Variants in AKT3 observed in about 807,000 individuals in gnomAD.
AKT3 encodes AKT serine/threonine kinase 3, also known as RAC-gamma serine/threonine-protein kinase.
In AKT3, 15 loss-of-function variants were observed where a neutral mutation model predicts 65.3. The observed-to-expected ratio is 0.23, with a 90% confidence interval of 0.15 to 0.35. The LOEUF (loss-of-function observed/expected upper bound fraction) is 0.35. AKT3 is among the 10% of genes least tolerant of loss of function. The probability of loss-of-function intolerance (pLI) is 1.00; values close to 1 mark genes in which losing one functional copy is unlikely to be tolerated. For missense variants in AKT3, 243 were observed against 576.5 expected (o/e 0.42, Z 5.92); for synonymous variants, 206 against 183.8 (o/e 1.12, Z -0.98).
intron 8 of AKT3, among the ~76,000 whole-genome samples, chr1:243,575,687 T>C (rs1463852529): frequency 1.3e-5 from 2 of 152,150 alleles, no homozygotes; most frequent in Admixed American, 6.5e-5. Context: ...GGAGACTTGA[T>C]AGATAAGAAA....
intron 6 of AKT3, among the ~76,000 whole-genome samples, chr1:243,633,588 C>T (rs1679762613): frequency 6.6e-6 from 1 of 151,954 alleles, no homozygotes; most frequent in Admixed American, 6.6e-5. Context: ...AGTACTATAA[C>T]TTCAGGATAT....
intron 2 of AKT3, among the ~76,000 whole-genome samples, chr1:243,730,200 GCA>G (rs1687461683): frequency 6.6e-6 from 1 of 152,162 alleles, no homozygotes. Context: ...GGACCAATCA[GCA>G]CACACTTCCT....
At position 243,747,981 on chromosome 1, in the gene AKT3, G is replaced by A. The variant is rs187340821; in HGVS notation, c.47-52265C>T. Reference sequence around the variant, plus strand: ...TATGCTTTTTCAACCATAATGACCTGTAAATTGTTTTATACTAAGGCCCAA... The same window carrying A: ...TATGCTTTTTCAACCATAATGACCTATAAATTGTTTTATACTAAGGCCCAA... On this transcript the variant is annotated intron_variant, in intron 2 of 13. Coordinates refer to ENST00000673466, the MANE Select transcript of AKT3 (RefSeq NM_005465.7). Among the ~76,000 whole-genome samples, 185 of 152,270 alleles carry A rather than the reference G, an allele frequency of 1.2e-3. 3 individuals carry two copies. Among genetic ancestry groups the A allele is most frequent in the East Asian group, 7.7e-4 (4 of 5,182 alleles).
intron 8 of AKT3, among the ~76,000 whole-genome samples, chr1:243,581,456 AG>A (rs1225886543): frequency 6.6e-6 from 1 of 152,224 alleles, no homozygotes; most frequent in East Asian, 1.9e-4. Context: ...GGCCAAAAGC[AG>A]CACAGAGGAC....
chr1:243,701,957 A>G (rs368439045), intron 2 of AKT3, among the ~76,000 whole-genome samples: 2 of 152,138 alleles, frequency 1.3e-5, no homozygotes, highest in South Asian at 2.1e-4. Flanking sequence ...GCAAAGTCAC[A>G]AAGTTTTTAC....
chr1:243,534,808 C>T (rs1671782832), intron 12 of AKT3, among the ~76,000 whole-genome samples: 1 of 151,992 alleles, frequency 6.6e-6, no homozygotes, highest in Non-Finnish European at 1.5e-5. Flanking sequence ...GAAAATAAAA[C>T]ATCAAAATTT....
intron 6 of AKT3, among the ~76,000 whole-genome samples, chr1:243,631,124 T>G (rs1222999978): frequency 6.6e-6 from 1 of 152,202 alleles, no homozygotes; most frequent in African/African-American, 2.4e-5. Flanking sequence ...CTATTAAGTG[T>G]GTAACAGCAC....
At position 243,757,723 on chromosome 1, in the gene AKT3, G is replaced by A. The variant is rs768736290; in HGVS notation, c.47-62007C>T. Among the ~76,000 whole-genome samples the A allele has an allele frequency of 7.8e-4, 118 of 151,718 alleles. 1 individual carries two copies. Among genetic ancestry groups the A allele is most frequent in the Admixed American group, 1.8e-3 (28 of 15,214 alleles). On this transcript the variant is annotated intron_variant, in intron 2 of 13. Transcript: ENST00000673466. ...ATGCAATGTCAAAGTTCTTACACTT[G>A]CAGTCTCTACTTACTTTTTGATACA...
In AKT3 at chr1:243,694,528, C is replaced by CT. The variant is rs199852052; in HGVS notation, c.172+1062dup. Reference sequence around the variant, plus strand: ...AATCCACTAATATAAACAGAGAAAGCTTTTTTTTTTAAGTTAGTATCCATA... The same window carrying CT: ...AATCCACTAATATAAACAGAGAAAGCTTTTTTTTTTTAAGTTAGTATCCATA... On this transcript the variant is annotated intron_variant, in intron 3 of 13. Transcript: ENST00000673466. Among the ~76,000 whole-genome samples the CT allele has an allele frequency of 1.3e-4, 19 of 147,454 alleles. 1 individual carries two copies. Among genetic ancestry groups the CT allele is most frequent in the South Asian group, 2.2e-4 (1 of 4,624 alleles).
At chr1:243,705,144 G>T (rs1196038897) in intron 2 of AKT3, among the ~76,000 whole-genome samples, 1 of 152,186 alleles carries the variant, frequency 6.6e-6, no homozygotes, top group Non-Finnish European at 1.5e-5. Flanking sequence ...GCATGAACTT[G>T]TCATTTTTAC....
intron 2 of AKT3, among the ~76,000 whole-genome samples, chr1:243,754,777 T>A (rs1460528760): frequency 6.6e-6 from 1 of 152,124 alleles, no homozygotes; most frequent in Non-Finnish European, 1.5e-5. Context: ...ACCACCCAGG[T>A]TCACAGAAAA....
At chr1:243,505,887 A>C (rs1669636245) in intron 13 of AKT3, among the ~76,000 whole-genome samples, 1 of 152,268 alleles carries the variant, frequency 6.6e-6, no homozygotes, top group Non-Finnish European at 1.5e-5. Flanking sequence ...GACTAAGTGA[A>C]AGAAAAAGAG....
At chr1:243,557,247 A>C (rs995419547) in intron 10 of AKT3, among the ~76,000 whole-genome samples, 2 of 152,110 alleles carry the variant, frequency 1.3e-5, no homozygotes, top group African/African-American at 4.8e-5. Flanking sequence ...CTGAGCCTTC[A>C]TAACCCAAGT....
intron 2 of AKT3, among the ~76,000 whole-genome samples, chr1:243,765,861 A>G (rs1258721145): frequency 6.6e-6 from 1 of 152,188 alleles, no homozygotes; most frequent in East Asian, 1.9e-4. Flanking sequence ...CCCTGCTGGC[A>G]GCTGTCTTCT....
chr1:243,603,578 C>T lies in AKT3; in HGVS notation c.696+10093G>A, dbSNP rs893632961. ...GCCACTGATGTTCTAACTGTACATA[C>T]TTTCCTCACATTGGATATTTCCTCA... On this transcript the variant is annotated intron_variant, in intron 8 of 13. Transcript: ENST00000673466. 3.3e-5 allele frequency among the ~76,000 whole-genome samples: 5 copies of T among 152,168 alleles called. No individual in the cohort carries two copies. The South Asian group carries it at 8.3e-4, about 25-fold the overall frequency.
At chr1:243,492,295 C>CAT (rs1666652943) in intron 13 of AKT3, among the ~76,000 whole-genome samples, 1 of 63,124 alleles carries the variant, frequency 1.6e-5, no homozygotes, top group African/African-American at 6.7e-5. Flanking sequence ...CGTTTCTTGG[C>CAT]TTTTTTTTTT....
intron 2 of AKT3, among the ~76,000 whole-genome samples, chr1:243,778,382 C>G (rs1479415658): frequency 6.6e-6 from 1 of 152,110 alleles, no homozygotes; most frequent in African/African-American, 2.4e-5. Flanking sequence ...AGGCCAGCTT[C>G]CCAGAGAAGA....
At chr1:243,583,075 A>G (rs1318938221) in intron 8 of AKT3, among the ~76,000 whole-genome samples, 4 of 149,900 alleles carry the variant, frequency 2.7e-5, no homozygotes, top group Admixed American at 2.7e-4. Flanking sequence ...TAACTATCAC[A>G]TATATATCTT....
At chr1:243,559,653 C>T (rs1673635520) in intron 10 of AKT3, among the ~76,000 whole-genome samples, 1 of 152,014 alleles carries the variant, frequency 6.6e-6, no homozygotes, top group African/African-American at 2.4e-5. Flanking sequence ...TGTCTTTATA[C>T]CAGATTAAAA....
Sources: gnomAD v4.1 joint callset for allele counts (sites outside exome capture counted in the v4.1 genomes callset) on GRCh38, gnomAD v4.1.1 for gene constraint, MANE v1.5 for transcripts, NCBI Gene and HGNC (gene_info 2026-07-23, HGNC 2026-07-21) for gene names.